Variants in NEMP2 observed in about 807,000 individuals in gnomAD.
NEMP2 encodes the protein nuclear envelope integral membrane protein 2.
A neutral mutation model predicts 54.2 loss-of-function variants in NEMP2; 53 were observed. The observed-to-expected ratio is 0.98, with a 90% CI of 0.78 to 1.23. NEMP2 has a LOEUF of 1.23. Among genes scored for constraint, NEMP2 ranks in the 50% most tolerant of loss-of-function variants. The pLI, the probability that NEMP2 is intolerant of heterozygous loss-of-function variation, is 0.00. For missense variants in NEMP2, 455 were observed against 511.3 expected (o/e 0.89, Z 1.06); for synonymous variants, 197 against 190.3 (o/e 1.04, Z -0.29).
At chr2:190,532,402 G>A (rs1015815324) in intron 1 of NEMP2, among the ~76,000 whole-genome samples, 3 of 152,150 alleles carry the variant, frequency 2.0e-5, no homozygotes. Flanking sequence ...AAGCTGTGGT[G>A]TCAAATGGAC....
chr2:190,514,102 T>C lies in NEMP2; in HGVS notation c.953+351A>G, dbSNP rs1253787783. 1.3e-5 allele frequency among the ~76,000 whole-genome samples: 2 copies of C among 152,260 alleles called. No homozygotes were observed. The highest frequency in any genetic ancestry group is 2.9e-5 in the Non-Finnish European group (2 of 68,044). On this transcript the variant is annotated intron_variant, in intron 7 of 8. Transcript: ENST00000409150. This position sits in a 1 kb window ranked among gnomAD's most constrained non-coding sequence, Gnocchi z 5.7. ...CTAATTCGTATCTCATAAGCACAGC[T>C]GATACCACTAAAGCAGTCTTTGACT...
the NEMP2 span, chr2:190,436,535 C>A: frequency 6.2e-7 from 1 of 1,614,232 alleles, no homozygotes; most frequent in Non-Finnish European, 8.5e-7. The surrounding 1 kb of genome is among the most constrained non-coding windows in gnomAD (Gnocchi z 5.3). Context: ...ACAACTCACC[C>A]CACCAATGCA....
At position 190,533,376 on chromosome 2, in the gene NEMP2, T is replaced by C. The variant is rs1459609037; in HGVS notation, c.97+1183A>G. On this transcript the variant is annotated intron_variant, in intron 1 of 8. Coordinates refer to ENST00000409150, the MANE Select transcript of NEMP2 (RefSeq NM_001142645.2). This position sits in a 1 kb window ranked among gnomAD's most constrained non-coding sequence, Gnocchi z 4.3. ...ACTACCAAACCTTCGTTTTCTCATC[T>C]GTAAAATGGGTATAAAATGGTGCTT... Among the ~76,000 whole-genome samples, 3 of 152,250 alleles carry C rather than the reference T, an allele frequency of 2.0e-5. No individual in the cohort carries two copies. In the South Asian group the frequency reaches 6.2e-4, roughly 31 times the overall value.
chr2:190,640,602 A>T, the NEMP2 span, among the ~76,000 whole-genome samples: 2 of 152,164 alleles, frequency 1.3e-5, no homozygotes, highest in Admixed American at 1.3e-4. Flanking sequence ...AACTGTAAAG[A>T]TGTAACTTTG....
At chr2:190,451,057 C>G in the NEMP2 span, among the ~76,000 whole-genome samples, 1 of 152,162 alleles carries the variant, frequency 6.6e-6, no homozygotes, top group African/African-American at 2.4e-5. The surrounding 1 kb of genome is among the most constrained non-coding windows in gnomAD (Gnocchi z 5.0). Context: ...TGACTCCAGT[C>G]ATCATCCTAA....
At chr2:190,434,276 A>C in the NEMP2 span, among the ~76,000 whole-genome samples, 1 of 152,190 alleles carries the variant, frequency 6.6e-6, no homozygotes, top group East Asian at 1.9e-4. The surrounding 1 kb of genome is among the most constrained non-coding windows in gnomAD (Gnocchi z 4.3). Flanking sequence ...GTTCATTGGA[A>C]CAACATAATT....
the NEMP2 span, among the ~76,000 whole-genome samples, chr2:190,479,289 A>G: frequency 9.8e-5 from 15 of 152,322 alleles, no homozygotes; most frequent in Non-Finnish European, 1.6e-4. Context: ...TTCAGCTACC[A>G]TTTGCAGCAA....
chr2:190,604,897 A>T, the NEMP2 span, among the ~76,000 whole-genome samples: 1 of 152,294 alleles, frequency 6.6e-6, no homozygotes, highest in Admixed American at 6.5e-5. This position sits in a 1 kb window ranked among gnomAD's most constrained non-coding sequence, Gnocchi z 4.5. Flanking sequence ...CCGAACGTAA[A>T]ACTGTGTTCC....
chr2:190,523,243 A>G lies in NEMP2; in HGVS notation c.213+2020T>C, dbSNP rs1376474861. On this transcript the variant is annotated intron_variant, in intron 2 of 8. Coordinates refer to ENST00000409150, the MANE Select transcript of NEMP2 (RefSeq NM_001142645.2). The surrounding 1 kb of genome is among the most constrained non-coding windows in gnomAD (Gnocchi z 5.3). Reference sequence around the variant, plus strand: ...ATTGGGATGAATTAACCTAAAATACACAACCTCCGAAAAAGATTTTAAAAA... The same window carrying G: ...ATTGGGATGAATTAACCTAAAATACGCAACCTCCGAAAAAGATTTTAAAAA... Among the ~76,000 whole-genome samples the G allele has an allele frequency of 2.0e-5, 3 of 152,202 alleles. No individual in the cohort carries two copies. Among genetic ancestry groups the G allele is most frequent in the Admixed American group, 1.3e-4 (2 of 15,284 alleles).
the NEMP2 span, among the ~76,000 whole-genome samples, chr2:190,594,095 T>A: frequency 6.6e-6 from 1 of 152,228 alleles, no homozygotes; most frequent in Non-Finnish European, 1.5e-5. The surrounding 1 kb of genome is among the most constrained non-coding windows in gnomAD (Gnocchi z 5.6). Flanking sequence ...TCTCTGCCAC[T>A]GTCTTTCGTT....
chr2:190,462,778 A>G, the NEMP2 span, among the ~76,000 whole-genome samples: 1 of 152,162 alleles, frequency 6.6e-6, no homozygotes, highest in Non-Finnish European at 1.5e-5. This position sits in a 1 kb window ranked among gnomAD's most constrained non-coding sequence, Gnocchi z 5.7. Flanking sequence ...GGAAAAAGGG[A>G]GAGAGATACT....
chr2:190,429,687 A>G, the NEMP2 span, among the ~76,000 whole-genome samples: 1 of 152,164 alleles, frequency 6.6e-6, no homozygotes, highest in African/African-American at 2.4e-5. Flanking sequence ...TGTCTTATTT[A>G]GTAAATATTT....
At chr2:190,640,629 G>A in the NEMP2 span, among the ~76,000 whole-genome samples, 1 of 152,076 alleles carries the variant, frequency 6.6e-6, no homozygotes, top group Non-Finnish European at 1.5e-5. Context: ...TATGCAAACG[G>A]AACTATGTTT....
At chr2:190,438,314 G>A in the NEMP2 span, among the ~76,000 whole-genome samples, 20 of 152,048 alleles carry the variant, frequency 1.3e-4, no homozygotes, top group Non-Finnish European at 2.1e-4. The surrounding 1 kb of genome is among the most constrained non-coding windows in gnomAD (Gnocchi z 5.2). Flanking sequence ...TCAGGAGTTC[G>A]AGACCAGCCT....
chr2:190,618,885 T>C, the NEMP2 span, among the ~76,000 whole-genome samples: 1 of 152,250 alleles, frequency 6.6e-6, no homozygotes, highest in Non-Finnish European at 1.5e-5. Context: ...CCTAACTTTT[T>C]ACGTACTCTG....
At position 190,525,714 on chromosome 2, in the gene NEMP2, T is replaced by A. The variant is rs992372976; in HGVS notation, c.98-336A>T. On this transcript the variant is annotated intron_variant, in intron 1 of 8. Coordinates refer to ENST00000409150, the MANE Select transcript of NEMP2 (RefSeq NM_001142645.2). The surrounding 1 kb of genome is among the most constrained non-coding windows in gnomAD (Gnocchi z 5.0). ...GGGCTGAAGGGCAAGGTAGAGGCAA[T>A]AAGACAGAAACTAGGAGGTGGGAGT... is the stretch of plus-strand genomic sequence containing the variant. Among the ~76,000 whole-genome samples, 2 of 151,960 alleles carry A rather than the reference T, an allele frequency of 1.3e-5. No individual in the cohort carries two copies. The highest frequency in any genetic ancestry group is 4.8e-5 in the African/African-American group (2 of 41,368).
chr2:190,549,096 T>C, the NEMP2 span, among the ~76,000 whole-genome samples: 3 of 152,248 alleles, frequency 2.0e-5, no homozygotes, highest in Non-Finnish European at 2.9e-5. Context: ...CTGTTTGATA[T>C]GTAGTTTCCC....
the NEMP2 span, chr2:190,489,923 C>T: frequency 7.3e-7 from 1 of 1,364,632 alleles, no homozygotes; most frequent in Non-Finnish European, 9.8e-7. The surrounding 1 kb of genome is among the most constrained non-coding windows in gnomAD (Gnocchi z 6.6). Context: ...GGGAAGTCAA[C>T]AAATGCCCCG....
rs1235151375 is a variant in NEMP2, at chr2:190,523,102, AT to A, written c.213+2160del. 6.6e-5 allele frequency among the ~76,000 whole-genome samples: 10 copies of A among 152,210 alleles called. No individual in the cohort carries two copies. The highest frequency in any genetic ancestry group is 2.4e-4 in the African/African-American group (10 of 41,440). On this transcript the variant is annotated intron_variant, in intron 2 of 8. Coordinates refer to ENST00000409150, the MANE Select transcript of NEMP2 (RefSeq NM_001142645.2). This position sits in a 1 kb window ranked among gnomAD's most constrained non-coding sequence, Gnocchi z 5.3. Reference sequence around the variant, plus strand: ...GGCTTTTTGTCAACAAACTAAAAAAATAAAAATAAAAATGATAATAAAATTG... The same window carrying A: ...GGCTTTTTGTCAACAAACTAAAAAAAAAAAATAAAAATGATAATAAAATTG...
Sources: allele counts gnomAD v4.1 joint callset (sites outside exome capture counted in the v4.1 genomes callset), GRCh38; gene constraint gnomAD v4.1.1; non-coding constraint Gnocchi (gnomAD v3.1); transcripts MANE v1.5; gene names NCBI Gene and HGNC (gene_info 2026-07-23, HGNC 2026-07-21).